The following SHISA6 variants were observed in gnomAD, a reference collection of about 807,000 sequenced individuals.
SHISA6 encodes the protein shisa family member 6, also known as protein shisa-6.
In SHISA6, 22 loss-of-function variants were observed where a neutral mutation model predicts 47.9. The observed-to-expected ratio is 0.46, with a 90% CI of 0.33 to 0.66. The LOEUF (loss-of-function observed/expected upper bound fraction) is 0.66, where lower values mean the gene tolerates loss of function less well. SHISA6 is among the 30% of genes least tolerant of loss of function. SHISA6 has a pLI of 0.02. For synonymous variants in SHISA6, 388 were observed against 337.8 expected (o/e 1.15, Z -1.63); for missense variants, 680 against 764.6 (o/e 0.89, Z 1.30).
intron 5 of SHISA6, among the ~76,000 whole-genome samples, chr17:11,557,346 G>A (rs1051148232): frequency 2.0e-5 from 3 of 152,130 alleles, no homozygotes; most frequent in Admixed American, 6.5e-5. Flanking sequence ...TGGTAGATAC[G>A]GCCCAGGACC....
At chr17:11,330,280 C>G (rs951825197) in intron 2 of SHISA6, among the ~76,000 whole-genome samples, 5 of 152,088 alleles carry the variant, frequency 3.3e-5, no homozygotes, top group African/African-American at 1.2e-4. Flanking sequence ...CCATCTGAAC[C>G]ACCTGGACTG....
chr17:11,325,291 A>C (rs2142199678), intron 2 of SHISA6, among the ~76,000 whole-genome samples: 1 of 152,350 alleles, frequency 6.6e-6, no homozygotes, highest in East Asian at 1.9e-4. Flanking sequence ...CTCTAGAAAC[A>C]GGACAGTGCC....
At chr17:11,476,973 C>T (rs2969223) in intron 3 of SHISA6, among the ~76,000 whole-genome samples, 39,979 of 151,968 alleles carry the variant, frequency 0.26, 5,283 homozygotes, top group Admixed American at 0.3. Context: ...AAAACTGTTA[C>T]GTCTTCTTTG....
rs542778948 is a variant in SHISA6 at position 11,337,371 on chromosome 17, T to C, written c.800-42043T>C. Among the ~76,000 whole-genome samples, 8 of 151,852 alleles carry C rather than the reference T, an allele frequency of 5.3e-5. No homozygotes were observed. In the South Asian group the frequency reaches 1.7e-3, roughly 31 times the overall value. On this transcript the variant is annotated intron_variant, in intron 2 of 5. Transcript: ENST00000441885. ...GAGGGTGTGTTATAGGGCCACCCAT[T>C]CCCATCCCCCTGGTGCATGATTTGC... is the stretch of plus-strand genomic sequence containing the variant.
chr17:11,443,401 G>C (rs1915145170), intron 3 of SHISA6, among the ~76,000 whole-genome samples: 1 of 152,154 alleles, frequency 6.6e-6, no homozygotes, highest in African/African-American at 2.4e-5. Flanking sequence ...ATTATGATTT[G>C]TGCTGCAAAA....
chr17:11,454,153 A>G (rs1331786586), intron 3 of SHISA6, among the ~76,000 whole-genome samples: 1 of 152,174 alleles, frequency 6.6e-6, no homozygotes, highest in Non-Finnish European at 1.5e-5. Context: ...CCTGGCAATC[A>G]TTCTTTATCG....
At chr17:11,481,284 A>G (rs1238394183) in intron 3 of SHISA6, among the ~76,000 whole-genome samples, 6 of 150,222 alleles carry the variant, frequency 4.0e-5, no homozygotes, top group Non-Finnish European at 8.9e-5. Flanking sequence ...TTCTCAAAAT[A>G]TATATATATA....
intron 2 of SHISA6, among the ~76,000 whole-genome samples, chr17:11,353,695 T>C (rs1911979399): frequency 6.6e-6 from 1 of 152,232 alleles, no homozygotes; most frequent in Non-Finnish European, 1.5e-5. Context: ...CAGAGGACAC[T>C]GTGATAAACA....
chr17:11,271,600 GCT>G, intron 2 of SHISA6, among the ~76,000 whole-genome samples: 2 of 116,624 alleles, frequency 1.7e-5, no homozygotes, highest in African/African-American at 7.1e-5. Flanking sequence ...ACCACGCCTG[GCT>G]TTTTTTTTTT....
chr17:11,473,600 A>C (rs1915978687), intron 3 of SHISA6, among the ~76,000 whole-genome samples: 1 of 151,816 alleles, frequency 6.6e-6, no homozygotes, highest in Non-Finnish European at 1.5e-5. Flanking sequence ...ATATTGTTAC[A>C]ATGGCAATTA....
chr17:11,263,416 G>C lies in SHISA6; in HGVS notation c.689G>C (p.Cys230Ser). The C allele has an allele frequency of 6.4e-7, 1 of 1,552,104 alleles. No homozygotes were observed. Among genetic ancestry groups the C allele is most frequent in the Non-Finnish European group, 8.7e-7 (1 of 1,147,102 alleles). Residue 230 changes from cysteine (C) to serine (S), a missense_variant, in exon 2 of 6, where the codon TGT becomes TCT. By Grantham distance (112) the Cys-to-Ser change is moderately radical. Transcript: ENST00000441885. ...RQQGPIPIAH[C>S]ERETISAIDT... ...CAGGGACCAATCCCCATAGCACACT[G>C]TGAAAGAGAAACTATCTCGGCTATC...
chr17:11,252,149 T>C (rs763306021), intron 1 of SHISA6, among the ~76,000 whole-genome samples: 1 of 152,124 alleles, frequency 6.6e-6, no homozygotes, highest in Admixed American at 6.5e-5. Flanking sequence ...CCCCTGTCCC[T>C]CTCTCCAGAC....
At chr17:11,444,768 G>A (rs1010580886) in intron 3 of SHISA6, among the ~76,000 whole-genome samples, 1 of 152,032 alleles carries the variant, frequency 6.6e-6, no homozygotes, top group African/African-American at 2.4e-5. Flanking sequence ...AAGATATACA[G>A]GTCACCAAAC....
chr17:11,300,666 TTTC>T (rs1383746833), intron 2 of SHISA6, among the ~76,000 whole-genome samples: 1 of 151,740 alleles, frequency 6.6e-6, no homozygotes, highest in African/African-American at 2.4e-5. Context: ...TTTTTTTCTT[TTTC>T]TTTTTTTTTT....
At chr17:11,250,218 G>A (rs1907748562) in intron 1 of SHISA6, among the ~76,000 whole-genome samples, 1 of 152,190 alleles carries the variant, frequency 6.6e-6, no homozygotes, top group Non-Finnish European at 1.5e-5. Flanking sequence ...CAGTTTTACG[G>A]GATGTATGCA....
At chr17:11,393,979 C>G (rs1348990475) in intron 3 of SHISA6, among the ~76,000 whole-genome samples, 1 of 152,222 alleles carries the variant, frequency 6.6e-6, no homozygotes, top group Non-Finnish European at 1.5e-5. Context: ...TTTCCTTTCT[C>G]TAGTAAGTCT....
At chr17:11,335,505 G>C (rs920868628) in intron 2 of SHISA6, among the ~76,000 whole-genome samples, 8 of 152,152 alleles carry the variant, frequency 5.3e-5, no homozygotes, top group African/African-American at 1.9e-4. Flanking sequence ...TGAGGCACCA[G>C]CACAGCCTTT....
rs757144735 is a variant in SHISA6 at position 11,411,399 on chromosome 17, T to TTTTG, written c.895+31903_895+31906dup. On this transcript the variant is annotated intron_variant, in intron 3 of 5. Transcript: ENST00000441885. ...ATTTTATTGTTTTCCAAAATCACTT[T>TTTTG]TTTGTTTGTTTGTTTGAGATGGAGT... is the stretch of plus-strand genomic sequence containing the variant. Among the ~76,000 whole-genome samples, 10 of 152,080 alleles carry TTTTG rather than the reference T, an allele frequency of 6.6e-5. No homozygotes were observed. The East Asian group carries it at 7.8e-4, about 12-fold the overall frequency.
At chr17:11,512,567 TTTAA>T (rs1207265276) in intron 3 of SHISA6, among the ~76,000 whole-genome samples, 4 of 152,244 alleles carry the variant, frequency 2.6e-5, no homozygotes, top group Non-Finnish European at 5.9e-5. Flanking sequence ...AAGTTGTCAC[TTTAA>T]TTTTTTAATT....
Sources: allele counts gnomAD v4.1 joint callset (sites outside exome capture counted in the v4.1 genomes callset), GRCh38; gene constraint gnomAD v4.1.1; transcripts MANE v1.5; gene names NCBI Gene and HGNC (gene_info 2026-07-23, HGNC 2026-07-21).